Variants in AP3S2 observed in about 807,000 individuals in gnomAD.
AP3S2 encodes the protein AP-3 complex subunit sigma-2.
A neutral mutation model predicts 23.4 loss-of-function variants in AP3S2; 22 were observed. The observed-to-expected ratio is 0.94, with a 90% CI of 0.67 to 1.34. The LOEUF (loss-of-function observed/expected upper bound fraction) is 1.34, where lower values mean the gene tolerates loss of function less well. AP3S2 is among the 40% of genes most tolerant of loss of function. The pLI is 0.00. For synonymous variants in AP3S2, 86 were observed against 87.1 expected, an observed-to-expected ratio of 0.99 and a Z score of 0.07; for missense variants, 241 against 236.9, an observed-to-expected ratio of 1.02 and a Z score of -0.11.
intron 1 of AP3S2, among the ~76,000 whole-genome samples, chr15:89,891,200 T>C (rs1431762591): frequency 1.3e-5 from 2 of 152,184 alleles, no homozygotes; most frequent in Non-Finnish European, 2.9e-5. Context: ...GCCTCAGTGA[T>C]TTTAATAACC....
At chr15:89,863,753 A>G in intron 4 of AP3S2, among the ~76,000 whole-genome samples, 1 of 152,204 alleles carries the variant, frequency 6.6e-6, no homozygotes, top group East Asian at 1.9e-4. Flanking sequence ...TGAAGATCTT[A>G]AAGACCTAGG....
intron 4 of AP3S2, among the ~76,000 whole-genome samples, chr15:89,858,441 CAAAAAAAGAA>C (rs1895894060): frequency 7.7e-6 from 1 of 129,466 alleles, no homozygotes; most frequent in Non-Finnish European, 1.6e-5. Flanking sequence ...AACTCCATCT[CAAAAAAAGAA>C]AGAAAAAGAA....
In AP3S2 at chr15:89,887,637, C is replaced by T. The variant is rs142848523; in HGVS notation, c.273+884G>A. Among the ~76,000 whole-genome samples, 1,305 of 151,530 alleles carry T rather than the reference C, an allele frequency of 8.6e-3. 16 individuals carry two copies. Among genetic ancestry groups the T allele is most frequent in the African/African-American group, 0.03 (1,240 of 41,270 alleles). ...TCGGCCTCCCAAAATGCTGAGATTA[C>T]AGGCATGAGCCACCGCACCCGGCCT... On this transcript the variant is annotated intron_variant, in intron 3 of 5. Coordinates refer to ENST00000336418, the MANE Select transcript of AP3S2 (RefSeq NM_005829.5).
intron 4 of AP3S2, among the ~76,000 whole-genome samples, chr15:89,859,664 A>G (rs1895964282): frequency 6.7e-6 from 1 of 149,900 alleles, no homozygotes; most frequent in African/African-American, 2.5e-5. Context: ...CAAAGTGCTA[A>G]GATTACAGGC....
chr15:89,889,299 G>A lies in AP3S2; in HGVS notation c.70-159C>T, dbSNP rs537627346. ...AAAAATGATGAGAAAAAATAGGAGT[G>A]AATCTATGAAAGATGGGTGACAATG... On this transcript the variant is annotated intron_variant, in intron 1 of 5. Coordinates refer to ENST00000336418, the MANE Select transcript of AP3S2 (RefSeq NM_005829.5). 4.2e-6 allele frequency: 3 copies of A among 718,252 alleles called. No individual in the cohort carries two copies. In the East Asian group the frequency reaches 8.3e-5, roughly 20 times the overall value. The allele number at this position is 718,252 out of a possible 1,614,324, so 44.5% of individuals were successfully genotyped here.
chr15:89,890,823 G>A (rs917294992), intron 1 of AP3S2, among the ~76,000 whole-genome samples: 7 of 152,196 alleles, frequency 4.6e-5, no homozygotes, highest in Non-Finnish European at 8.8e-5. Flanking sequence ...AAGGGAAAAC[G>A]TAATTGTGGG....
At chr15:89,878,859 G>A (rs1324760607) in intron 3 of AP3S2, among the ~76,000 whole-genome samples, 2 of 152,140 alleles carry the variant, frequency 1.3e-5, no homozygotes, top group South Asian at 2.1e-4. Flanking sequence ...TGATTCTCCC[G>A]CCTCAGCCTC....
chr15:89,843,008 G>A (rs1034566828), intron 4 of AP3S2, among the ~76,000 whole-genome samples: 2 of 148,198 alleles, frequency 1.3e-5, no homozygotes, highest in African/African-American at 5.0e-5. Flanking sequence ...TTTTGAGACA[G>A]AGTTTCACTC....
intron 3 of AP3S2, among the ~76,000 whole-genome samples, chr15:89,885,863 C>G (rs527325906): frequency 6.7e-6 from 1 of 148,994 alleles, no homozygotes; most frequent in South Asian, 2.1e-4. Context: ...ATGGGTTGAG[C>G]CTGGGAGATG....
At chr15:89,855,945 T>TAAAAAAAAAAAAA (rs34784306) in intron 4 of AP3S2, among the ~76,000 whole-genome samples, 5 of 111,944 alleles carry the variant, frequency 4.5e-5, no homozygotes, top group Non-Finnish European at 7.1e-5. Flanking sequence ...ATATGTCCTT[T>TAAAAAAAAAAAAA]AAAAAAAAAA....
rs759992188 is a variant in AP3S2, at chr15:89,888,647, A to G, written c.162-15T>C. 1 of 1,610,682 alleles carries G rather than the reference A, an allele frequency of 6.2e-7. No homozygotes were observed. The highest frequency in any genetic ancestry group is 8.5e-7 in the Non-Finnish European group (1 of 1,177,186). ...CACCAATCAAACTGCAGAAGATGGG[A>G]AACATTTAAATGCCCACAGCTTAAT... On this transcript the variant is annotated splice_polypyrimidine_tract_variant and intron_variant, in intron 2 of 5. Transcript: ENST00000336418.
intron 3 of AP3S2, among the ~76,000 whole-genome samples, chr15:89,885,666 G>T (rs1896680579): frequency 1.3e-5 from 2 of 151,906 alleles, no homozygotes; most frequent in Non-Finnish European, 2.9e-5. Context: ...GATCAGATGG[G>T]TCCAGTGGTT....
At chr15:89,853,169 CAA>C (rs1324180279) in intron 4 of AP3S2, among the ~76,000 whole-genome samples, 1 of 152,012 alleles carries the variant, frequency 6.6e-6, no homozygotes, top group Non-Finnish European at 1.5e-5. Context: ...TATACATCAG[CAA>C]GGGAGTTAGT....
chr15:89,841,676 G>A (rs1001486456), intron 4 of AP3S2, among the ~76,000 whole-genome samples: 2 of 152,156 alleles, frequency 1.3e-5, no homozygotes, highest in African/African-American at 4.8e-5. Context: ...TGGCTGGCTA[G>A]AGACTAAGGG....
intron 4 of AP3S2, among the ~76,000 whole-genome samples, chr15:89,868,421 C>T (rs1401832723): frequency 1.4e-5 from 1 of 72,000 alleles, no homozygotes; most frequent in Admixed American, 1.2e-4. Flanking sequence ...GGCCAGCCGC[C>T]CCGTCTGGGA....
intron 3 of AP3S2, among the ~76,000 whole-genome samples, chr15:89,877,698 G>C (rs899894626): frequency 6.6e-6 from 1 of 152,032 alleles, no homozygotes; most frequent in Non-Finnish European, 1.5e-5. Context: ...AGGTGGCTGA[G>C]GCACAAGAAT....
intron 3 of AP3S2, among the ~76,000 whole-genome samples, chr15:89,873,860 T>A (rs1368180373): frequency 6.6e-6 from 1 of 150,594 alleles, no homozygotes; most frequent in African/African-American, 2.4e-5. Flanking sequence ...AAAATAAATG[T>A]CTTATTTCTC....
chr15:89,859,901 C>T (rs564905497), intron 4 of AP3S2, among the ~76,000 whole-genome samples: 1 of 151,828 alleles, frequency 6.6e-6, no homozygotes, highest in East Asian at 1.9e-4. Context: ...GTAGCTAGGA[C>T]TACAGGCACC....
At chr15:89,855,734 C>T (rs1895815324) in intron 4 of AP3S2, among the ~76,000 whole-genome samples, 1 of 142,422 alleles carries the variant, frequency 7.0e-6, no homozygotes, top group Non-Finnish European at 1.5e-5. Context: ...CCTGTAATCC[C>T]AGCTACTTGG....
Sources: allele counts gnomAD v4.1 joint callset (sites outside exome capture counted in the v4.1 genomes callset), GRCh38; gene constraint gnomAD v4.1.1; transcripts MANE v1.5; gene names NCBI Gene and HGNC (gene_info 2026-07-23, HGNC 2026-07-21).